GDE1: variants seen among roughly 807,000 people sequenced by gnomAD.
The protein encoded by GDE1 is glycerophosphodiester phosphodiesterase 1.
In GDE1, 24 loss-of-function variants were observed where a neutral mutation model predicts 32.2. That is an observed-to-expected ratio of 0.75 (90% CI 0.54 to 1.05). GDE1 has a LOEUF of 1.05. Ranked by LOEUF, GDE1 falls within the 50% of genes least tolerant of loss-of-function variation. The pLI, the probability that GDE1 is intolerant of heterozygous loss-of-function variation, is 0.00. For synonymous variants in GDE1, 159 were observed against 158.6 expected, an observed-to-expected ratio of 1.00 and a Z score of -0.02; for missense variants, 380 against 415.0, an observed-to-expected ratio of 0.92 and a Z score of 0.73.
rs1354247658 is a variant in GDE1, at chr16:19,506,421, A to G, written c.636+1266T>C. On this transcript the variant is annotated intron_variant, in intron 4 of 5. Coordinates refer to ENST00000353258, the MANE Select transcript of GDE1 (RefSeq NM_016641.4). ...TGTAATCATTTTGGGAGGCCGAGGC[A>G]GGCAGATCACCTGAGGTCAGGAGCT... Among the ~76,000 whole-genome samples the G allele has an allele frequency of 4.6e-5, 7 of 152,140 alleles. No homozygotes were observed. The East Asian group carries it at 1.2e-3, about 25-fold the overall frequency.
chr16:19,508,112 A>G (rs1342480233), intron 3 of GDE1, among the ~76,000 whole-genome samples: 2 of 152,204 alleles, frequency 1.3e-5, no homozygotes, highest in African/African-American at 2.4e-5. Context: ...TTTAGCCACT[A>G]TGAAAAGTCC....
rs189491345 is a variant in GDE1, at chr16:19,521,424, C to T, written c.261+280G>A. On this transcript the variant is annotated intron_variant, in intron 1 of 5. Coordinates refer to ENST00000353258, the MANE Select transcript of GDE1 (RefSeq NM_016641.4). ...GGCTTGCCTCCCCCATTCCGATGTA[C>T]ACTCTGTAAACCAGGGACACTTTTG... 2.4e-3 allele frequency: 1,096 copies of T among 465,916 alleles called. 11 individuals are homozygous for T. Among genetic ancestry groups the T allele is most frequent in the African/African-American group, 0.019 (992 of 52,032 alleles). The allele number at this position is 465,916 out of a possible 1,614,324, so 28.9% of individuals were successfully genotyped here. A position where few individuals can be genotyped will look rare whatever the true frequency, so the allele number is the denominator to read the frequency against.
At chr16:19,507,145 T>C (rs1472584065) in intron 4 of GDE1, among the ~76,000 whole-genome samples, 1 of 70,718 alleles carries the variant, frequency 1.4e-5, no homozygotes, top group Non-Finnish European at 2.3e-5. Context: ...TCTTTTAAAA[T>C]AAATAAATAA....
In GDE1 at chr16:19,510,948, T is replaced by C. The variant is rs373393963; in HGVS notation, c.438-4A>G. The C allele has an allele frequency of 6.9e-7, 1 of 1,458,368 alleles. No individual in the cohort carries two copies. Among genetic ancestry groups the C allele is most frequent in the South Asian group, 1.2e-5 (1 of 85,696 alleles). The allele number at this position is 1,458,368 out of a possible 1,614,324, so 90.3% of individuals were successfully genotyped here. The stretch of plus-strand genomic sequence containing the variant: ...CTTTTCATCAGGGAAATCATTCCTG[T>C]AAGAGAAGAGAAAATACGTTGTAGG... On this transcript the variant is annotated splice_region_variant and splice_polypyrimidine_tract_variant and intron_variant, in intron 2 of 5. Transcript: ENST00000353258.
intron 2 of GDE1, among the ~76,000 whole-genome samples, chr16:19,512,927 TTGTGTGTGTGTGTGTGTGTG>T (rs144957791): frequency 3.6e-5 from 5 of 137,006 alleles, no homozygotes; most frequent in Admixed American, 1.5e-4. Context: ...TGTATCTGTT[TTGTGTGTGTGTGTGTGTGTG>T]TGTGTGTGTG....
chr16:19,516,960 T>C (rs1969387861), intron 2 of GDE1, 54 bp downstream of exon 2: 2 of 1,483,992 alleles, frequency 1.3e-6, no homozygotes, highest in Non-Finnish European at 1.9e-6. Context: ...CACCAGTGTC[T>C]GTCATTTCCA....
intron 1 of GDE1, among the ~76,000 whole-genome samples, chr16:19,518,664 TTTTA>T (rs758255809): frequency 1.3e-5 from 2 of 152,214 alleles, no homozygotes; most frequent in Non-Finnish European, 2.9e-5. Flanking sequence ...CCTTACCGGT[TTTTA>T]TTTAAGTACC....
chr16:19,508,057 G>A (rs1316234518), intron 3 of GDE1, among the ~76,000 whole-genome samples: 5 of 152,146 alleles, frequency 3.3e-5, no homozygotes, highest in African/African-American at 1.2e-4. Flanking sequence ...TAAGCCGTAG[G>A]TCAGATGAGG....
At chr16:19,514,859 G>A (rs1265321931) in intron 2 of GDE1, among the ~76,000 whole-genome samples, 2 of 152,082 alleles carry the variant, frequency 1.3e-5, no homozygotes, top group African/African-American at 2.4e-5. Context: ...CTGAGGTCAG[G>A]AGTTCGAGAC....
intron 1 of GDE1, 85 bp downstream of exon 1, chr16:19,521,619 C>G: frequency 6.8e-7 from 1 of 1,475,982 alleles, no homozygotes; most frequent in Non-Finnish European, 9.2e-7. Context: ...GAAGGCCGTC[C>G]TGAGAAGATC....
chr16:19,514,361 G>T (rs1204414741), intron 2 of GDE1, among the ~76,000 whole-genome samples: 1 of 152,088 alleles, frequency 6.6e-6, no homozygotes, highest in East Asian at 1.9e-4. Flanking sequence ...TTCAAATACA[G>T]ATATTCTTGA....
At chr16:19,520,429 A>G (rs560814232) in intron 1 of GDE1, among the ~76,000 whole-genome samples, 2 of 151,760 alleles carry the variant, frequency 1.3e-5, no homozygotes, top group East Asian at 3.9e-4. Flanking sequence ...AGAAAAAAAA[A>G]GGAAATGAGG....
intron 5 of GDE1, chr16:19,504,046 C>T (rs1418618023): frequency 6.4e-6 from 1 of 156,162 alleles, no homozygotes; most frequent in African/African-American, 2.4e-5. Flanking sequence ...GTATTTTTCT[C>T]TCTGATCTGG....
Position 19,521,868 on chromosome 16 carries a change from G to C in GDE1, c.97C>G (p.Leu33Val). ...AGAACGAAGAGGCTGCCGGTGAGGA[G>C]GCAGGCATTGACCGGGCTCCGCGTC... is the stretch of plus-strand genomic sequence containing the variant. ...LVTRSPVNAC[L>V]LTGSLFVLLR... The change falls in exon 1 of 6, where the codon CTC becomes GTC. Residue 33 changes from leucine to valine, a missense_variant. Coordinates refer to ENST00000353258, the MANE Select transcript of GDE1 (RefSeq NM_016641.4). The C allele has an allele frequency of 6.2e-7, 1 of 1,606,446 alleles. No individual in the cohort carries two copies. The highest frequency in any genetic ancestry group is 8.5e-7 in the Non-Finnish European group (1 of 1,177,410).
At chr16:19,512,554 CT>C (rs1391769265) in intron 2 of GDE1, among the ~76,000 whole-genome samples, 3 of 151,900 alleles carry the variant, frequency 2.0e-5, no homozygotes, top group African/African-American at 4.8e-5. Flanking sequence ...TGTGCAGAAG[CT>C]TTTTAGTTTA....
rs1217491084 is a variant in GDE1, at chr16:19,501,695, G to A, written c.*1775C>T. 1 of 152,134 alleles carries A rather than the reference G, an allele frequency of 6.6e-6. No homozygotes were observed. The highest frequency in any genetic ancestry group is 2.4e-5 in the African/African-American group (1 of 41,426). The allele number at this position is 152,134 out of a possible 1,614,324, so 9.4% of individuals were successfully genotyped here. The stretch of plus-strand genomic sequence containing the variant: ...AGTACATGCAGTTTAGACATTTGTT[G>A]CACTCAATGAACAAATCTTTGTTGT... On this transcript the variant is annotated 3_prime_UTR_variant, in exon 6 of 6. Coordinates refer to ENST00000353258, the MANE Select transcript of GDE1 (RefSeq NM_016641.4).
chr16:19,505,347 A>C (rs997955485), intron 4 of GDE1, among the ~76,000 whole-genome samples: 1 of 152,222 alleles, frequency 6.6e-6, no homozygotes, highest in African/African-American at 2.4e-5. Context: ...TAAAATGGAA[A>C]AATTAAAACT....
At chr16:19,510,318 A>C (rs546818675) in intron 3 of GDE1, among the ~76,000 whole-genome samples, 1 of 152,360 alleles carries the variant, frequency 6.6e-6, no homozygotes, top group Admixed American at 6.5e-5. Flanking sequence ...AAAAAACTAT[A>C]CATAAGGGAT....
chr16:19,516,706 A>G (rs1255370230), intron 2 of GDE1, among the ~76,000 whole-genome samples: 4 of 152,188 alleles, frequency 2.6e-5, no homozygotes, highest in African/African-American at 9.6e-5. Flanking sequence ...TGAATGTATA[A>G]TTTGCTTCTT....
Sources: gnomAD v4.1 joint callset for allele counts (sites outside exome capture counted in the v4.1 genomes callset) on GRCh38, gnomAD v4.1.1 for gene constraint, MANE v1.5 for transcripts, NCBI Gene and HGNC (gene_info 2026-07-23, HGNC 2026-07-21) for gene names.